KIDINS220: variants seen among roughly 807,000 people sequenced by gnomAD.
KIDINS220 encodes kinase D-interacting substrate of 220 kDa.
Under a neutral mutation model 157.6 loss-of-function variants are expected in KIDINS220, and 63 were observed. The observed-to-expected ratio is 0.40, with a 90% CI of 0.33 to 0.49. The LOEUF (loss-of-function observed/expected upper bound fraction) is 0.49. Among genes scored for constraint, KIDINS220 ranks in the 20% least tolerant of loss-of-function variants. The pLI, the probability that KIDINS220 is intolerant of heterozygous loss-of-function variation, is 0.66. For synonymous variants in KIDINS220, 732 were observed against 783.6 expected, an observed-to-expected ratio of 0.93 and a Z score of 1.10; for missense variants, 1,772 against 2,171.2, an observed-to-expected ratio of 0.82 and a Z score of 3.65.
chr2:8,803,165 G>A, intron 7 of KIDINS220, 38 bp from the exon 8 acceptor site: 1 of 1,461,576 alleles, frequency 6.8e-7, no homozygotes, highest in African/African-American at 1.4e-5. Context: ...CAAAACGCAA[G>A]CCCAAGAAAT....
Position 8,731,848 on chromosome 2 carries a change from C to T in KIDINS220, c.4188G>A (p.Gln1396=). Residue 1396 remains glutamine, a synonymous_variant, in exon 30 of 30, where the codon CAG becomes CAA. Transcript: ENST00000256707. This position sits in a 1 kb window ranked among gnomAD's most constrained non-coding sequence, Gnocchi z 5.2. ...AYREYIAQMS[Q]LEGGPGSTTI... Reference sequence around the variant, plus strand: ...TTGTAGACCCGGGGCCCCCTTCTAACTGGGACATCTGAGCAATGTATTCTC... The same window carrying T: ...TTGTAGACCCGGGGCCCCCTTCTAATTGGGACATCTGAGCAATGTATTCTC... 6.2e-7 allele frequency: 1 copy of T among 1,614,162 alleles called. No homozygotes were observed. Among genetic ancestry groups the T allele is most frequent in the Non-Finnish European group, 8.5e-7 (1 of 1,180,044 alleles).
At chr2:8,723,925 C>G (rs1171289001), downstream of KIDINS220, 1 of 152,262 alleles carries the variant, frequency 6.6e-6, no homozygotes, top group Admixed American at 6.5e-5. Context: ...CTGTGGATAT[C>G]TGTCCCTGGG....
At chr2:8,789,794 A>C in intron 14 of KIDINS220, 86 bp downstream of exon 14, 3 of 1,035,436 alleles carry the variant, frequency 2.9e-6, no homozygotes, top group Non-Finnish European at 4.2e-6. Context: ...CAGGTTTTAA[A>C]AGACAGATAA....
chr2:8,814,827 G>A (rs373821018), intron 4 of KIDINS220, among the ~76,000 whole-genome samples: 17 of 152,242 alleles, frequency 1.1e-4, no homozygotes, highest in African/African-American at 3.4e-4. Flanking sequence ...CTGAAATCAC[G>A]TTCCCCCTAG....
chr2:8,726,826 C>T, downstream of KIDINS220: 1 of 844,180 alleles, frequency 1.2e-6, no homozygotes, highest in Middle Eastern at 2.6e-4. Flanking sequence ...CCTTTGTTGG[C>T]CAAAACGTCC....
chr2:8,776,965 A>G, intron 20 of KIDINS220, 73 bp from the exon 21 acceptor site: 1 of 1,488,534 alleles, frequency 6.7e-7, no homozygotes, highest in Non-Finnish European at 9.1e-7. Context: ...TTGAGATGTT[A>G]ATAAATGTTT....
chr2:8,792,614 G>A (rs186276797), intron 12 of KIDINS220, among the ~76,000 whole-genome samples: 3 of 152,298 alleles, frequency 2.0e-5, no homozygotes, highest in African/African-American at 7.2e-5. Context: ...TTAGCAAAGA[G>A]TAAGAGGCTG....
chr2:8,747,904 C>A lies in KIDINS220; in HGVS notation c.3511G>T (p.Asp1171Tyr). 1 of 1,602,600 alleles carries A rather than the reference C, an allele frequency of 6.2e-7. No homozygotes were observed. Among genetic ancestry groups the A allele is most frequent in the Non-Finnish European group, 8.5e-7 (1 of 1,174,652 alleles). ...ATACTTACTAGGCCATTGTTCTGAT[C>A]TCTGGGCAAACTCGTTTTTACTGAT... is the stretch of plus-strand genomic sequence containing the variant. ...RPSVKTSLPR[D>Y]QNNGLEVIKE... The change falls in exon 25 of 30, where the codon GAT becomes TAT. Residue 1171 changes from aspartate (D) to tyrosine (Y), a missense_variant. Physicochemically the swap from Asp to Tyr is radical, Grantham distance 160. Coordinates refer to ENST00000256707, the MANE Select transcript of KIDINS220 (RefSeq NM_020738.4).
intron 6 of KIDINS220, among the ~76,000 whole-genome samples, chr2:8,810,147 A>C (rs1676082092): frequency 6.6e-6 from 1 of 152,192 alleles, no homozygotes; most frequent in African/African-American, 2.4e-5. Context: ...GTCTAGAGGA[A>C]GTCGCATTCT....
In KIDINS220 at chr2:8,730,990, G is replaced by C; in HGVS notation, c.5046C>G (p.Thr1682=). Residue 1682 remains threonine (T), a synonymous_variant, in exon 30 of 30, where the codon ACC becomes ACG. Transcript: ENST00000256707. ...GAGCACTATTGTTGTTCAGAGTCAC[G>C]GTGCTGGGAGTTCGGTTCAGGTTGT... ...KAYNLNRTPS[T]VTLNNNSAPA... The C allele has an allele frequency of 6.2e-7, 1 of 1,614,152 alleles. No individual in the cohort carries two copies.
At chr2:8,771,151 C>T (rs951009272) in intron 21 of KIDINS220, among the ~76,000 whole-genome samples, 1 of 152,188 alleles carries the variant, frequency 6.6e-6, no homozygotes, top group Admixed American at 6.5e-5. Context: ...ACGCCACCCA[C>T]GATCATTGAG....
At chr2:8,780,644 T>C (rs1252150688) in intron 17 of KIDINS220, among the ~76,000 whole-genome samples, 1 of 151,652 alleles carries the variant, frequency 6.6e-6, no homozygotes. Flanking sequence ...GAGAGAGGAA[T>C]TAGGATTATT....
At chr2:8,831,723 G>A (rs1218230116) in intron 1 of KIDINS220, among the ~76,000 whole-genome samples, 1 of 152,228 alleles carries the variant, frequency 6.6e-6, no homozygotes, top group Non-Finnish European at 1.5e-5. Context: ...CTACACAACA[G>A]GAGGTGAGAG....
chr2:8,800,586 ATTTT>A, intron 8 of KIDINS220, 88 bp from the exon 9 acceptor site: 1 of 963,774 alleles, frequency 1.0e-6, no homozygotes, highest in Non-Finnish European at 1.5e-6. Context: ...ATGTTTTCAT[ATTTT>A]TTTCTAAAAA....
chr2:8,805,195 T>C (rs2148340326), intron 7 of KIDINS220, among the ~76,000 whole-genome samples: 1 of 152,338 alleles, frequency 6.6e-6, no homozygotes, highest in African/African-American at 2.4e-5. Context: ...ACCCTCCCAG[T>C]ACGGGGATGT....
At chr2:8,833,423 C>T (rs913717892) in intron 1 of KIDINS220, among the ~76,000 whole-genome samples, 1 of 150,506 alleles carries the variant, frequency 6.6e-6, no homozygotes, top group Non-Finnish European at 1.5e-5. Context: ...CTTTTTTATT[C>T]CTTCATAACA....
chr2:8,746,133 G>A (rs374599162), intron 26 of KIDINS220, among the ~76,000 whole-genome samples: 25 of 145,808 alleles, frequency 1.7e-4, no homozygotes, highest in Admixed American at 6.9e-4. Context: ...ACCGAGTCTC[G>A]CTCTTGTTGC....
At chr2:8,734,167 TGG>T (rs1179073685) in intron 28 of KIDINS220, among the ~76,000 whole-genome samples, 1 of 127,710 alleles carries the variant, frequency 7.8e-6, no homozygotes, top group Non-Finnish European at 1.6e-5. Flanking sequence ...GCAGCAGGAG[TGG>T]GGGACTCTTG....
Position 8,803,146 on chromosome 2 carries a change from AAAAC to A in KIDINS220, c.604-23_604-20del, listed in dbSNP as rs779080121. ...TTGAATTCTAAAAACAACAACAACAAAAACAAAACAAAACGCAAGCCCAAGAAAT... is the reference window on the plus strand; with the variant it reads ...TTGAATTCTAAAAACAACAACAACAAAAAACAAAACGCAAGCCCAAGAAAT... On this transcript the variant is annotated intron_variant, in intron 7 of 29. Coordinates refer to ENST00000256707, the MANE Select transcript of KIDINS220 (RefSeq NM_020738.4). 5 of 1,548,504 alleles carry A rather than the reference AAAAC, an allele frequency of 3.2e-6. No homozygotes were observed. Among genetic ancestry groups the A allele is most frequent in the East Asian group, 2.3e-5 (1 of 44,356 alleles).
Sources: allele counts gnomAD v4.1 joint callset (sites outside exome capture counted in the v4.1 genomes callset), GRCh38; gene constraint gnomAD v4.1.1; non-coding constraint Gnocchi (gnomAD v3.1); transcripts MANE v1.5; gene names NCBI Gene and HGNC (gene_info 2026-07-23, HGNC 2026-07-21).